ARHGAP6: variants seen among roughly 807,000 people sequenced by gnomAD.
ARHGAP6 encodes the protein Rho GTPase activating protein 6, also known as rho GTPase-activating protein 6.
ARHGAP6 carries 16 observed loss-of-function variants against 55.7 expected under a neutral mutation model. That is an observed-to-expected ratio of 0.29 (90% CI 0.19 to 0.44). The LOEUF (loss-of-function observed/expected upper bound fraction) is 0.44. ARHGAP6 is among the 20% of genes least tolerant of loss of function. ARHGAP6 has a pLI of 1.00. For missense variants in ARHGAP6, 698 were observed against 808.9 expected (o/e 0.86, Z 1.66); for synonymous variants, 382 against 360.9 (o/e 1.06, Z -0.66).
At chrX:11,385,883 T>C (rs1226368027) in intron 1 of ARHGAP6, among the ~76,000 whole-genome samples, 1 of 112,339 alleles carries the variant, frequency 8.9e-6, no homozygotes, top group Non-Finnish European at 1.9e-5. Flanking sequence ...AAAAGGTGTT[T>C]TTAAAAGACT....
chrX:11,245,556 G>A (rs2047341521), intron 2 of ARHGAP6, among the ~76,000 whole-genome samples: 1 of 112,162 alleles, frequency 8.9e-6, no homozygotes, highest in African/African-American at 3.2e-5. Flanking sequence ...TGCTTCCTTT[G>A]TGATTCCCTG....
At chrX:11,532,817 C>A (rs2051065700) in intron 1 of ARHGAP6, among the ~76,000 whole-genome samples, 1 of 111,673 alleles carries the variant, frequency 9.0e-6, no homozygotes, top group Non-Finnish European at 1.9e-5. Flanking sequence ...GTCCACAAAG[C>A]CTAAAATATT....
chrX:11,199,514 G>A (rs1237117208), intron 2 of ARHGAP6, among the ~76,000 whole-genome samples: 1 of 112,400 alleles, frequency 8.9e-6, no homozygotes, highest in African/African-American at 3.2e-5. Flanking sequence ...ACTCCAGGGT[G>A]TATATGTAAA....
chrX:11,202,221 C>G (rs1308527996), intron 2 of ARHGAP6, among the ~76,000 whole-genome samples: 1 of 110,855 alleles, frequency 9.0e-6, no homozygotes. Flanking sequence ...TTTCTGTTCA[C>G]TTGAAACTTC....
intron 1 of ARHGAP6, among the ~76,000 whole-genome samples, chrX:11,645,644 G>A (rs1340777699): frequency 1.8e-5 from 2 of 111,799 alleles, no homozygotes; most frequent in East Asian, 5.6e-4. Flanking sequence ...GTCCTTGGGT[G>A]CTCTCCCTCG....
chrX:11,362,175 A>T (rs1436541388), intron 1 of ARHGAP6, among the ~76,000 whole-genome samples: 1 of 111,873 alleles, frequency 8.9e-6, no homozygotes, highest in Non-Finnish European at 1.9e-5. Context: ...AAAGGACTAT[A>T]AATCATGCTG....
intron 1 of ARHGAP6, among the ~76,000 whole-genome samples, chrX:11,611,222 G>T (rs2052097861): frequency 8.9e-6 from 1 of 112,244 alleles, no homozygotes; most frequent in Non-Finnish European, 1.9e-5. Flanking sequence ...AAAGAGGAAA[G>T]AGTTCTACAG....
chrX:11,505,904 G>T (rs1193087010), intron 1 of ARHGAP6, among the ~76,000 whole-genome samples: 1 of 111,139 alleles, frequency 9.0e-6, no homozygotes, highest in Middle Eastern at 4.2e-3. Flanking sequence ...TGAGGATGGA[G>T]GGTATAGGAG....
intron 1 of ARHGAP6, among the ~76,000 whole-genome samples, chrX:11,357,340 A>T (rs1201835005): frequency 4.5e-5 from 5 of 111,893 alleles, no homozygotes; most frequent in Admixed American, 2.8e-4. Flanking sequence ...CTGGCTCATC[A>T]TTGGACTTAA....
At chrX:11,619,748 G>A (rs952149260) in intron 1 of ARHGAP6, among the ~76,000 whole-genome samples, 3 of 111,861 alleles carry the variant, frequency 2.7e-5, no homozygotes, top group Admixed American at 1.9e-4. Context: ...TGTCCTCCCC[G>A]CTTTCCTATC....
chrX:11,497,556 T>TC (rs2050635408), intron 1 of ARHGAP6, among the ~76,000 whole-genome samples: 112 of 15,651 alleles, frequency 7.2e-3, no homozygotes, highest in Admixed American at 0.01. Flanking sequence ...TCCCCCTCCC[T>TC]CCTTCTCTCT....
intron 1 of ARHGAP6, among the ~76,000 whole-genome samples, chrX:11,302,151 C>T (rs2048182063): frequency 8.9e-6 from 1 of 112,048 alleles, no homozygotes; most frequent in African/African-American, 3.2e-5. Context: ...AAATTCAATT[C>T]CTCCGTCATA....
chrX:11,653,587 C>T (rs928040817), intron 1 of ARHGAP6, among the ~76,000 whole-genome samples: 4 of 112,322 alleles, frequency 3.6e-5, no homozygotes, highest in African/African-American at 1.3e-4. Flanking sequence ...TAGCCTTGCA[C>T]TCCTATGCAT....
At chrX:11,478,143 A>T (rs1161064121) in intron 1 of ARHGAP6, among the ~76,000 whole-genome samples, 1 of 112,012 alleles carries the variant, frequency 8.9e-6, no homozygotes, top group Admixed American at 9.5e-5. Context: ...TTGGCAGTTA[A>T]AGTTAAATAA....
At chrX:11,174,623 T>TTTTCTTTCTTTCTTTC (rs55966871) in intron 8 of ARHGAP6, among the ~76,000 whole-genome samples, 8 of 46,735 alleles carry the variant, frequency 1.7e-4, no homozygotes, top group Admixed American at 2.8e-4. Flanking sequence ...TTTCTCTTTC[T>TTTTCTTTCTTTCTTTC]TTTCTTTCTT....
At chrX:11,661,230 A>G (rs765780932) in intron 1 of ARHGAP6, among the ~76,000 whole-genome samples, 1 of 112,649 alleles carries the variant, frequency 8.9e-6, no homozygotes, top group South Asian at 3.7e-4. Flanking sequence ...AGTCAGGGGC[A>G]GAGCTTGGCT....
Position 11,156,601 on chromosome X carries a change from A to T in ARHGAP6, c.1835T>A (p.Val612Glu). 1 of 1,211,200 alleles carries T rather than the reference A, an allele frequency of 8.3e-7. No homozygotes were observed. Among genetic ancestry groups the T allele is most frequent in the Non-Finnish European group, 1.1e-6 (1 of 895,038 alleles). The part of the protein sequence containing the change: ...FMVPPDLQNE[V>E]LISLLETDPD... ...ATCGGTCTCTAACAGGCTGATCAGCACTTCGTTCTGGAGATCTGGGGGAAC... is the reference window on the plus strand; with the variant it reads ...ATCGGTCTCTAACAGGCTGATCAGCTCTTCGTTCTGGAGATCTGGGGGAAC... The change falls in exon 10 of 13, where the codon GTG (valine) becomes GAG (glutamate). Residue 612 changes from valine to glutamate, a missense_variant. Transcript: ENST00000337414.
intron 1 of ARHGAP6, among the ~76,000 whole-genome samples, chrX:11,572,943 T>G (rs757124067): frequency 8.9e-6 from 1 of 112,511 alleles, no homozygotes; most frequent in Non-Finnish European, 1.9e-5. Context: ...TGGCCAGTGA[T>G]GATACGCATT....
chrX:11,331,606 A>G (rs780146546), intron 1 of ARHGAP6, among the ~76,000 whole-genome samples: 1 of 112,007 alleles, frequency 8.9e-6, no homozygotes, highest in East Asian at 2.8e-4. Context: ...TGCTCCCACT[A>G]AATGAGTAAA....
Sources: gnomAD v4.1 joint callset for allele counts (sites outside exome capture counted in the v4.1 genomes callset) on GRCh38, gnomAD v4.1.1 for gene constraint, MANE v1.5 for transcripts, NCBI Gene and HGNC (gene_info 2026-07-23, HGNC 2026-07-21) for gene names.